ANKFN1: variants seen among roughly 807,000 people sequenced by gnomAD.
ANKFN1 encodes ankyrin repeat and fibronectin type III domain containing 1.
ANKFN1 carries 74 observed loss-of-function variants against 108.7 expected under a neutral mutation model. That is an observed-to-expected ratio of 0.68 (90% confidence interval 0.56 to 0.83). The LOEUF (loss-of-function observed/expected upper bound fraction) is 0.83, where lower values mean the gene tolerates loss of function less well. Among genes scored for constraint, ANKFN1 ranks in the 40% least tolerant of loss-of-function variants. The pLI is 0.00. For synonymous variants in ANKFN1, 547 were observed against 516.2 expected (o/e 1.06, Z -0.81); for missense variants, 1,505 against 1,382.3 (o/e 1.09, Z -1.41).
At chr17:56,225,744 A>G (rs1916221230) in intron 2 of ANKFN1, among the ~76,000 whole-genome samples, 1 of 152,228 alleles carries the variant, frequency 6.6e-6, no homozygotes, top group Non-Finnish European at 1.5e-5. Context: ...GAAAAAGCAC[A>G]CTGCCACAGT....
At chr17:56,174,239 A>T (rs139607649) in intron 1 of ANKFN1, 8 of 985,536 alleles carry the variant, frequency 8.1e-6, no homozygotes, top group Non-Finnish European at 9.6e-6. Context: ...AGCTCTTCAA[A>T]GACTTGTGAG....
chr17:56,372,916 A>AT (rs879682665), intron 7 of ANKFN1, 76 bp downstream of exon 7: 3,954 of 1,384,188 alleles, frequency 2.9e-3, no homozygotes, highest in East Asian at 7.4e-3. Context: ...TCTTTTACAG[A>AT]TTTTTTTTTT....
chr17:56,086,403 C>G (rs1257438122), intron 4 of ANKFN1, among the ~76,000 whole-genome samples: 1 of 151,344 alleles, frequency 6.6e-6, no homozygotes, highest in African/African-American at 2.4e-5. Flanking sequence ...AAAACTCCAT[C>G]TCAAAAATCA....
At position 56,449,876 on chromosome 17, in the gene ANKFN1, G is replaced by C. The variant is rs993928018; in HGVS notation, c.1207+690G>C. On this transcript the variant is annotated intron_variant, in intron 11 of 20. Coordinates refer to ENST00000682825, the MANE Select transcript of ANKFN1 (RefSeq NM_001370326.1). ...ATCTTCCTCTGTACCACTGCTCACA[G>C]GAAAGTAGAGCACATATTCCCTAGA... is the stretch of plus-strand genomic sequence containing the variant. Among the ~76,000 whole-genome samples, 4 of 152,122 alleles carry C rather than the reference G, an allele frequency of 2.6e-5. No homozygotes were observed. The East Asian group carries it at 7.7e-4, about 29-fold the overall frequency.
At chr17:56,216,030 T>G (rs1449748398) in intron 2 of ANKFN1, among the ~76,000 whole-genome samples, 2 of 152,218 alleles carry the variant, frequency 1.3e-5, no homozygotes, top group South Asian at 4.1e-4. Context: ...ATTCAAGCCA[T>G]TTACTCTCCT....
At chr17:56,131,369 G>A (rs1442946670) in intron 4 of ANKFN1, among the ~76,000 whole-genome samples, 1 of 152,164 alleles carries the variant, frequency 6.6e-6, no homozygotes, top group Non-Finnish European at 1.5e-5. Context: ...CATATAGGAT[G>A]CCCTGGAGAT....
chr17:56,158,073 G>T (rs1354254286), intron 1 of ANKFN1, among the ~76,000 whole-genome samples: 2 of 152,120 alleles, frequency 1.3e-5, no homozygotes, highest in Non-Finnish European at 2.9e-5. Context: ...GGCTCATTAG[G>T]CTCCTCCCAC....
intron 4 of ANKFN1, among the ~76,000 whole-genome samples, chr17:56,109,500 A>G (rs1905837978): frequency 6.6e-6 from 1 of 152,154 alleles, no homozygotes; most frequent in African/African-American, 2.4e-5. Flanking sequence ...GAAATTTCCA[A>G]TGTCCCATGG....
chr17:56,389,892 C>T (rs1301438646), intron 8 of ANKFN1, among the ~76,000 whole-genome samples: 1 of 152,124 alleles, frequency 6.6e-6, no homozygotes, highest in Admixed American at 6.6e-5. Context: ...GTTCTTGAAC[C>T]AGTTCCCCCA....
At position 56,388,233 on chromosome 17, in the gene ANKFN1, A is replaced by G. The variant is rs9893239; in HGVS notation, c.910+13519A>G. Among the ~76,000 whole-genome samples the G allele has an allele frequency of 5.4e-3, 811 of 150,318 alleles. 5 individuals carry two copies. Among genetic ancestry groups the G allele is most frequent in the Middle Eastern group, 0.017 (5 of 294 alleles). ...GGCTCACTGCATCACTGCAGCCTCT[A>G]CCTCCTGGGTTCAAGTGATTCTCAT... is the stretch of plus-strand genomic sequence containing the variant. On this transcript the variant is annotated intron_variant, in intron 8 of 20. Coordinates refer to ENST00000682825, the MANE Select transcript of ANKFN1 (RefSeq NM_001370326.1).
chr17:56,123,820 T>C (rs1007107397), intron 4 of ANKFN1, among the ~76,000 whole-genome samples: 1 of 148,074 alleles, frequency 6.8e-6, no homozygotes, highest in Admixed American at 6.8e-5. Flanking sequence ...TGTGTGTGTG[T>C]GTGTGACAGA....
intron 3 of ANKFN1, among the ~76,000 whole-genome samples, chr17:56,230,554 T>C (rs1234543716): frequency 6.6e-6 from 1 of 152,110 alleles, no homozygotes; most frequent in African/African-American, 2.4e-5. Flanking sequence ...AAATTAATGC[T>C]ACACAATAGA....
At chr17:56,481,799 A>C (rs1397609912) in intron 17 of ANKFN1, among the ~76,000 whole-genome samples, 2 of 152,176 alleles carry the variant, frequency 1.3e-5, no homozygotes, top group African/African-American at 4.8e-5. Context: ...TAGGAGAAAA[A>C]AAAGTAAGAG....
Position 56,215,008 on chromosome 17 carries a change from A to G in ANKFN1, c.12+2329A>G, listed in dbSNP as rs551355301. Among the ~76,000 whole-genome samples, 7 of 152,334 alleles carry G rather than the reference A, an allele frequency of 4.6e-5. No individual in the cohort carries two copies. In the South Asian group the frequency reaches 8.3e-4, roughly 18 times the overall value. On this transcript the variant is annotated intron_variant, in intron 2 of 20. Coordinates refer to ENST00000682825, the MANE Select transcript of ANKFN1 (RefSeq NM_001370326.1). ...AAGTTAAATAAATAAGTCCCCATCCACATAACTGGAGGAAATCCACTCACT... is the reference window on the plus strand; with the variant it reads ...AAGTTAAATAAATAAGTCCCCATCCGCATAACTGGAGGAAATCCACTCACT...
intron 4 of ANKFN1, among the ~76,000 whole-genome samples, chr17:56,142,541 A>G (rs1040035218): frequency 3.3e-5 from 5 of 152,174 alleles, no homozygotes; most frequent in African/African-American, 1.2e-4. Flanking sequence ...ACTCACCTCA[A>G]ACAGGCTTAC....
chr17:56,318,642 A>T (rs150460918), intron 3 of ANKFN1, among the ~76,000 whole-genome samples: 2 of 152,298 alleles, frequency 1.3e-5, no homozygotes, highest in East Asian at 3.9e-4. Flanking sequence ...GGAGAAAGAC[A>T]TTCATTCCAT....
At chr17:56,366,477 C>T (rs749782153) in intron 6 of ANKFN1, among the ~76,000 whole-genome samples, 13 of 152,246 alleles carry the variant, frequency 8.5e-5, no homozygotes, top group Admixed American at 3.9e-4. Flanking sequence ...TAATGTCCTA[C>T]GTCCTCACAT....
intron 8 of ANKFN1, among the ~76,000 whole-genome samples, chr17:56,420,177 G>GATCT (rs1393948044): frequency 1.3e-5 from 2 of 152,180 alleles, no homozygotes; most frequent in Non-Finnish European, 2.9e-5. Context: ...TAGATGAATA[G>GATCT]ATGGATGGGA....
intron 4 of ANKFN1, among the ~76,000 whole-genome samples, chr17:56,100,691 C>G (rs1380513055): frequency 6.6e-6 from 1 of 152,134 alleles, no homozygotes; most frequent in East Asian, 1.9e-4. Context: ...TCTTCAGATA[C>G]CCCTTCCCTT....
Sources: gnomAD v4.1 joint callset for allele counts (sites outside exome capture counted in the v4.1 genomes callset) on GRCh38, gnomAD v4.1.1 for gene constraint, MANE v1.5 for transcripts, NCBI Gene and HGNC (gene_info 2026-07-23, HGNC 2026-07-21) for gene names.